PLXNA1: variants seen among roughly 807,000 people sequenced by gnomAD.
PLXNA1 encodes plexin A1, also known as plexin-A1.
Under a neutral mutation model 191.7 loss-of-function variants are expected in PLXNA1, and 77 were observed. The observed-to-expected ratio is 0.40, with a 90% CI of 0.33 to 0.49. PLXNA1 has a LOEUF of 0.49. PLXNA1 is among the 20% of genes least tolerant of loss of function. The probability of loss-of-function intolerance (pLI) is 0.63; values close to 1 mark genes in which losing one functional copy is unlikely to be tolerated. For synonymous variants in PLXNA1, 1,137 were observed against 1,156.4 expected (o/e 0.98, Z 0.34); for missense variants, 2,110 against 2,660.2 (o/e 0.79, Z 4.55).
chr3:127,004,568 C>T (rs1262069562), intron 4 of PLXNA1, 43 bp from the exon 5 acceptor site: 1 of 1,411,428 alleles, frequency 7.1e-7, no homozygotes, highest in Non-Finnish European at 9.8e-7. Flanking sequence ...GTCAAGGACC[C>T]CTGGGGTGGT....
Position 127,022,165 on chromosome 3 carries a change from C to T in PLXNA1, c.4119C>T (p.Arg1373=). ...TKKHFLLTFI[R]TLEAQRSFSM... is the part of the protein sequence containing the mutation. The stretch of plus-strand genomic sequence containing the variant: ...AGCACTTCCTGCTGACCTTCATCCG[C>T]ACGCTGGAGGCACAGCGCAGCTTCT... Residue 1373 remains arginine, a synonymous_variant, in exon 22 of 32, where the codon CGC becomes CGT. Coordinates refer to ENST00000393409, the MANE Select transcript of PLXNA1 (RefSeq NM_032242.4). 6.2e-7 allele frequency: 1 copy of T among 1,613,430 alleles called. No homozygotes were observed. The highest frequency in any genetic ancestry group is 8.5e-7 in the Non-Finnish European group (1 of 1,180,002).
chr3:127,005,322 T>C, intron 7 of PLXNA1, 79 bp downstream of exon 7: 2 of 1,479,944 alleles, frequency 1.4e-6, no homozygotes, highest in Non-Finnish European at 1.8e-6. Context: ...GTTTAGCGCC[T>C]CCCTTGTTCA....
chr3:127,004,944 T>C lies in PLXNA1; in HGVS notation c.1679T>C (p.Leu560Pro). The change falls in exon 6 of 32, where the codon CTG becomes CCG. Residue 560 changes from leucine (L) to proline (P), a missense_variant. Leu to Pro is a moderately conservative substitution (Grantham distance 98, BLOSUM62 -3). Transcript: ENST00000393409. ...ADEPQRFAADLLQCVQLTVQP... is the reference protein window; with the variant it reads ...ADEPQRFAADPLQCVQLTVQP... The stretch of plus-strand genomic sequence containing the variant: ...GAGCCCCAGCGCTTTGCTGCGGACC[T>C]GCTGCAGTGTGTGCAGCTGACTGTG... 6.2e-7 allele frequency: 1 copy of C among 1,609,788 alleles called. No homozygotes were observed. The highest frequency in any genetic ancestry group is 8.5e-7 in the Non-Finnish European group (1 of 1,177,586).
rs1304071993 is a variant in PLXNA1 at position 127,016,500 on chromosome 3, C to G, written c.3015-17C>G. 2 of 1,612,880 alleles carry G rather than the reference C, an allele frequency of 1.2e-6. No homozygotes were observed. The highest frequency in any genetic ancestry group is 1.1e-5 in the South Asian group (1 of 91,058). ...TCCACCCGTGTGCTCCTCACTGTCC[C>G]ACTCGGGCACCTCCAGGAGGAACTC... On this transcript the variant is annotated splice_polypyrimidine_tract_variant and intron_variant, in intron 15 of 31. Transcript: ENST00000393409.
At chr3:126,994,967 C>T (rs2079008029) in intron 3 of PLXNA1, among the ~76,000 whole-genome samples, 1 of 151,972 alleles carries the variant, frequency 6.6e-6, no homozygotes, top group Non-Finnish European at 1.5e-5. Flanking sequence ...TGGAGCTGGG[C>T]CCTGGGGACC....
intron 23 of PLXNA1, among the ~76,000 whole-genome samples, 190 bp downstream of exon 23, chr3:127,023,008 C>G (rs913744952): frequency 2.0e-5 from 3 of 152,228 alleles, no homozygotes; most frequent in African/African-American, 7.2e-5. Flanking sequence ...TCCCTCCTCC[C>G]TCCTTCTGAG....
Position 127,034,141 on chromosome 3 carries a change from C to T in PLXNA1, c.*124C>T. 1.2e-6 allele frequency: 1 copy of T among 838,512 alleles called. No individual in the cohort carries two copies. The allele number at this position is 838,512 out of a possible 1,614,324, so 51.9% of individuals were successfully genotyped here. A position where few individuals can be genotyped will look rare whatever the true frequency, so the allele number is the denominator to read the frequency against. On this transcript the variant is annotated 3_prime_UTR_variant, in exon 32 of 32. Coordinates refer to ENST00000393409, the MANE Select transcript of PLXNA1 (RefSeq NM_032242.4). ...CGGGCCGCCGCAGTGCAGCGACTGC[C>T]CGGCCCTCCCTCCCCTGCCTCACCC...
At chr3:127,022,030 T>A in intron 21 of PLXNA1, 55 bp from the exon 22 acceptor site, 2 of 1,578,406 alleles carry the variant, frequency 1.3e-6, no homozygotes, top group Non-Finnish European at 1.7e-6. Context: ...ACTGGTCAGC[T>A]TGGGGGCTGG....
Position 126,988,663 on chromosome 3 carries a change from A to G in PLXNA1, c.70A>G (p.Met24Val), listed in dbSNP as rs755323587. ...LLLLLLLLPG[M>V]WAEAGLPRAG... ...GCTGTTGCTGCTGCTGCTGCCGGGC[A>G]TGTGGGCTGAGGCAGGCTTGCCCAG... Residue 24 changes from methionine to valine, a missense_variant, in exon 2 of 32, where the codon ATG becomes GTG. By Grantham distance (21) the Met-to-Val change is conservative. Transcript: ENST00000393409. 5 of 1,580,050 alleles carry G rather than the reference A, an allele frequency of 3.2e-6. No homozygotes were observed. Among genetic ancestry groups the G allele is most frequent in the Non-Finnish European group, 1.7e-6 (2 of 1,162,542 alleles).
rs768273178 is a variant in PLXNA1, at chr3:126,989,569, C to T, written c.976C>T (p.His326Tyr). Reference protein sequence around the residue: ...YLSRPGRALAHQLGLAEDEDV... With the variant: ...YLSRPGRALAYQLGLAEDEDV... The stretch of plus-strand genomic sequence containing the variant: ...GAGCCGGCCCGGCCGTGCCCTGGCC[C>T]ACCAGCTGGGCCTGGCTGAGGACGA... Residue 326 changes from histidine (H) to tyrosine (Y), a missense_variant, in exon 2 of 32, where the codon CAC (histidine) becomes TAC (tyrosine). Physicochemically the swap from His to Tyr is moderately conservative, Grantham distance 83. Transcript: ENST00000393409. 72 of 1,613,142 alleles carry T rather than the reference C, an allele frequency of 4.5e-5. No homozygotes were observed. The highest frequency in any genetic ancestry group is 6.7e-5 in the Admixed American group (4 of 60,008).
In PLXNA1 at chr3:127,003,588, G is replaced by A. The variant is rs531592714; in HGVS notation, c.1518+118G>A. 66 of 1,202,946 alleles carry A rather than the reference G, an allele frequency of 5.5e-5. 3 individuals carry two copies. In the South Asian group the frequency reaches 1.2e-3, roughly 22 times the overall value. The allele number at this position is 1,202,946 out of a possible 1,614,324, so 74.5% of individuals were successfully genotyped here. ...ACAAGTTGGGCGTCCATGGCTCCTG[G>A]TAAAAGTAGTTTCAAGCTGGTCTGT... On this transcript the variant is annotated intron_variant, in intron 4 of 31. Transcript: ENST00000393409.
chr3:126,991,102 G>A (rs2078987731), intron 2 of PLXNA1, among the ~76,000 whole-genome samples: 1 of 152,164 alleles, frequency 6.6e-6, no homozygotes, highest in Non-Finnish European at 1.5e-5. Context: ...CCTCTCCTTA[G>A]GCCTGGCGGT....
chr3:127,012,183 G>T (rs1003381457), intron 10 of PLXNA1, 25 bp downstream of exon 10: 22 of 1,602,300 alleles, frequency 1.4e-5, no homozygotes, highest in Non-Finnish European at 1.7e-5. Flanking sequence ...GCAGGGGCTG[G>T]GGGCCGTGAG....
intron 3 of PLXNA1, among the ~76,000 whole-genome samples, chr3:126,993,605 C>T (rs893304013): frequency 2.6e-5 from 4 of 152,226 alleles, no homozygotes; most frequent in African/African-American, 9.6e-5. Flanking sequence ...AACCTGGGTA[C>T]CGCCTCCCTC....
At chr3:127,031,648 T>C (rs1016188196) in intron 29 of PLXNA1, among the ~76,000 whole-genome samples, 11 of 152,188 alleles carry the variant, frequency 7.2e-5, no homozygotes, top group African/African-American at 2.7e-4. Flanking sequence ...CACCCCAACC[T>C]GTCCCAGCTC....
At chr3:127,023,675 G>C (rs995313375) in intron 23 of PLXNA1, among the ~76,000 whole-genome samples, 1 of 152,242 alleles carries the variant, frequency 6.6e-6, no homozygotes, top group Admixed American at 6.5e-5. Flanking sequence ...GCCTCCTGCA[G>C]CCAGATGCTG....
chr3:127,029,853 G>A lies in PLXNA1; in HGVS notation c.4871-21G>A, dbSNP rs374511204. 8 of 1,581,094 alleles carry A rather than the reference G, an allele frequency of 5.1e-6. No homozygotes were observed. In the Admixed American group the frequency reaches 5.2e-5, roughly 10 times the overall value. ...GTGCGGGGTGCCAGCCAACGCGGGCGCTGACAGCCTGGTGCTGCAGAGAGC... is the reference window on the plus strand; with the variant it reads ...GTGCGGGGTGCCAGCCAACGCGGGCACTGACAGCCTGGTGCTGCAGAGAGC... On this transcript the variant is annotated intron_variant, in intron 27 of 31. Transcript: ENST00000393409.
In PLXNA1 at chr3:127,027,981, C is replaced by G; in HGVS notation, c.4404C>G (p.Ile1468Met). The change falls in exon 24 of 32, where the codon ATC becomes ATG. Residue 1468 changes from isoleucine (I) to methionine (M), a missense_variant. Physicochemically the swap from Ile to Met is conservative, Grantham distance 10. Transcript: ENST00000393409. ...GEPLFMLYCA[I>M]KQQMEKGPID... Reference sequence around the variant, plus strand: ...CGCTGTTCATGCTGTACTGCGCCATCAAGCAGCAGATGGAGAAGGGCCCCA... The same window carrying G: ...CGCTGTTCATGCTGTACTGCGCCATGAAGCAGCAGATGGAGAAGGGCCCCA... The G allele has an allele frequency of 1.9e-6, 3 of 1,613,922 alleles. No homozygotes were observed. Among genetic ancestry groups the G allele is most frequent in the Non-Finnish European group, 2.5e-6 (3 of 1,180,012 alleles).
intron 15 of PLXNA1, among the ~76,000 whole-genome samples, chr3:127,015,768 G>A (rs541179217): frequency 2.2e-4 from 33 of 152,326 alleles, no homozygotes; most frequent in Middle Eastern, 3.4e-3. Context: ...GTCTGCAGCT[G>A]AGGGGGCCTG....
Sources: allele counts gnomAD v4.1 joint callset (sites outside exome capture counted in the v4.1 genomes callset), GRCh38; gene constraint gnomAD v4.1.1; transcripts MANE v1.5; gene names NCBI Gene and HGNC (gene_info 2026-07-23, HGNC 2026-07-21).